The following PTPN3 variants were observed in gnomAD, a reference collection of about 807,000 sequenced individuals.
PTPN3 encodes tyrosine-protein phosphatase non-receptor type 3.
In PTPN3, 96 loss-of-function variants were observed where a neutral mutation model predicts 132.7. The ratio of observed to expected loss-of-function variants is 0.72; its 90% CI spans 0.61 to 0.86. The LOEUF is 0.86. Ranked by LOEUF, PTPN3 falls within the 40% of genes least tolerant of loss-of-function variation. The pLI is 0.00. For missense variants in PTPN3, 1,125 were observed against 1,159.6 expected (o/e 0.97, Z 0.43); for synonymous variants, 398 against 429.0 (o/e 0.93, Z 0.89).
intron 5 of PTPN3, among the ~76,000 whole-genome samples, chr9:109,453,750 C>T (rs1446564495): frequency 6.6e-6 from 1 of 151,984 alleles, no homozygotes; most frequent in African/African-American, 2.4e-5. Flanking sequence ...TGACTCATGC[C>T]TATAATCCCA....
At chr9:109,470,777 T>C (rs1273352897) in intron 1 of PTPN3, among the ~76,000 whole-genome samples, 1 of 152,030 alleles carries the variant, frequency 6.6e-6, no homozygotes, top group Non-Finnish European at 1.5e-5. Context: ...AAACTAAGAA[T>C]GTCTGCTCAC....
intron 1 of PTPN3, among the ~76,000 whole-genome samples, chr9:109,496,229 G>C (rs913858617): frequency 6.6e-6 from 1 of 152,168 alleles, no homozygotes; most frequent in Non-Finnish European, 1.5e-5. Flanking sequence ...GGATTTATGG[G>C]AGCTCGCTAT....
At position 109,389,379 on chromosome 9, in the gene PTPN3, T is replaced by A; in HGVS notation, c.2107A>T (p.Met703Leu). The A allele has an allele frequency of 6.2e-7, 1 of 1,613,106 alleles. No homozygotes were observed. Among genetic ancestry groups the A allele is most frequent in the Non-Finnish European group, 8.5e-7 (1 of 1,179,530 alleles). Reference protein sequence around the residue: ...EDYINASYVNMEIPAANLVNK... With the variant: ...EDYINASYVNLEIPAANLVNK... ...ACAAGGTTAGCAGCAGGAATTTCCA[T>A]CTGGTAAGAAATTGGTAAAGTATTA... The change falls in exon 22 of 26, where the codon ATG becomes TTG. Residue 703 changes from methionine to leucine, a missense_variant and splice_region_variant. Coordinates refer to ENST00000374541, the MANE Select transcript of PTPN3 (RefSeq NM_002829.4).
intron 25 of PTPN3, among the ~76,000 whole-genome samples, chr9:109,380,214 AATCTATCTATCTATCTATCT>A (rs55963327): frequency 8.9e-5 from 13 of 145,790 alleles, no homozygotes; most frequent in Admixed American, 2.7e-4. Flanking sequence ...CAGCTAGGAA[AATCTATCTATCTATCTATCT>A]ATCTATCTAT....
At chr9:109,405,783 A>C (rs1841511587) in intron 18 of PTPN3, among the ~76,000 whole-genome samples, 1 of 152,176 alleles carries the variant, frequency 6.6e-6, no homozygotes, top group Non-Finnish European at 1.5e-5. Flanking sequence ...ATGAGGTTTT[A>C]CCATGTTGGT....
At chr9:109,463,513 C>T in intron 1 of PTPN3, 62 bp from the exon 2 acceptor site, 2 of 1,473,098 alleles carry the variant, frequency 1.4e-6, no homozygotes, top group Non-Finnish European at 1.8e-6. Flanking sequence ...CTTGTGAGTG[C>T]AGATACCTGT....
At chr9:109,505,987 G>A in the PTPN3 span, among the ~76,000 whole-genome samples, 1 of 151,758 alleles carries the variant, frequency 6.6e-6, no homozygotes, top group Non-Finnish European at 1.5e-5. Flanking sequence ...TCCTGACCTC[G>A]TGATCCGCCT....
chr9:109,513,060 G>T, the PTPN3 span, among the ~76,000 whole-genome samples: 2 of 152,208 alleles, frequency 1.3e-5, no homozygotes, highest in African/African-American at 4.8e-5. Context: ...CCAGACTGGG[G>T]TGCAGTGGCA....
At chr9:109,403,177 GTTCAA>G (rs1405570781) in intron 19 of PTPN3, among the ~76,000 whole-genome samples, 1 of 152,154 alleles carries the variant, frequency 6.6e-6, no homozygotes, top group Non-Finnish European at 1.5e-5. Context: ...TTCTACTGCT[GTTCAA>G]TGCACATTGC....
rs1839300759 is a variant in PTPN3 at position 109,383,505 on chromosome 9, T to C, written c.2300A>G (p.His767Arg). Residue 767 changes from histidine to arginine, a missense_variant, in exon 23 of 26, where the codon CAC becomes CGC. Physicochemically the swap from His to Arg is conservative, Grantham distance 29 (BLOSUM62 0). Coordinates refer to ENST00000374541, the MANE Select transcript of PTPN3 (RefSeq NM_002829.4). ...CTGACACTGGATGTGAAAGCCGCCG[T>C]GGTTCATGACGTCGGGGGGATCTGG... ...YWPDPPDVMNHGGFHIQCQSE... is the reference protein window; with the variant it reads ...YWPDPPDVMNRGGFHIQCQSE... 2 of 1,613,690 alleles carry C rather than the reference T, an allele frequency of 1.2e-6. No individual in the cohort carries two copies. The highest frequency in any genetic ancestry group is 1.7e-6 in the Non-Finnish European group (2 of 1,179,924).
the PTPN3 span, among the ~76,000 whole-genome samples, chr9:109,530,534 A>G: frequency 6.6e-6 from 1 of 152,170 alleles, no homozygotes. Flanking sequence ...AACATGTTGT[A>G]TCCATATATC....
rs1838514645 is a variant in PTPN3 at position 109,375,863 on chromosome 9, C to A, written c.*3693G>T. On this transcript the variant is annotated 3_prime_UTR_variant, in exon 26 of 26. Transcript: ENST00000374541. ...ACACAAATCCTTTGGTTGCTCCAAA[C>A]AGAATGAGAGCTATGAGAATGGTGG... The A allele has an allele frequency of 6.6e-6, 1 of 152,198 alleles. No homozygotes were observed. The highest frequency in any genetic ancestry group is 2.4e-5 in the African/African-American group (1 of 41,446). 9.4% of individuals were successfully genotyped at this position (152,198 alleles called of 1,614,324 possible).
At chr9:109,455,776 T>G (rs915959172) in intron 4 of PTPN3, among the ~76,000 whole-genome samples, 1 of 152,206 alleles carries the variant, frequency 6.6e-6, no homozygotes, top group Non-Finnish European at 1.5e-5. Flanking sequence ...TGTCGAACCC[T>G]CTGGGCTGTC....
At chr9:109,388,163 C>A (rs548972636) in intron 22 of PTPN3, among the ~76,000 whole-genome samples, 1 of 152,312 alleles carries the variant, frequency 6.6e-6, no homozygotes, top group African/African-American at 2.4e-5. Flanking sequence ...CGCAAAGCTG[C>A]TGCCTGGAGT....
rs369164287 is a variant in PTPN3 at position 109,410,182 on chromosome 9, G to A, written c.1500+47C>T. ...GCTACTCAGCTGCCCACAAGAGGCC[G>A]GGAAGCCCTGGGTGTGTGGATCACC... is the stretch of plus-strand genomic sequence containing the variant. On this transcript the variant is annotated intron_variant, in intron 15 of 25. Transcript: ENST00000374541. 94 of 1,610,678 alleles carry A rather than the reference G, an allele frequency of 5.8e-5. No homozygotes were observed. In the East Asian group the frequency reaches 1.3e-3, roughly 22 times the overall value.
the PTPN3 span, among the ~76,000 whole-genome samples, chr9:109,525,385 G>T: frequency 6.6e-6 from 1 of 152,138 alleles, no homozygotes; most frequent in Admixed American, 6.6e-5. Context: ...ATTTTAAAAA[G>T]CTAACTCCAC....
At chr9:109,387,884 G>A (rs536276395) in intron 22 of PTPN3, among the ~76,000 whole-genome samples, 2 of 152,292 alleles carry the variant, frequency 1.3e-5, no homozygotes, top group East Asian at 3.9e-4. Context: ...GAGCCTCAAG[G>A]GAGAGCACAA....
chr9:109,382,232 T>C (rs1010420357), intron 24 of PTPN3, 70 bp downstream of exon 24: 5 of 1,541,306 alleles, frequency 3.2e-6, no homozygotes, highest in Non-Finnish European at 4.4e-6. Flanking sequence ...GTCTGGCGCC[T>C]GCCAATTGTC....
At chr9:109,384,875 A>C (rs1839439758) in intron 22 of PTPN3, among the ~76,000 whole-genome samples, 1 of 152,238 alleles carries the variant, frequency 6.6e-6, no homozygotes, top group Admixed American at 6.5e-5. Flanking sequence ...TTTACTTGGA[A>C]ACCTTAAACA....
Sources: allele counts gnomAD v4.1 joint callset (sites outside exome capture counted in the v4.1 genomes callset), GRCh38; gene constraint gnomAD v4.1.1; transcripts MANE v1.5; gene names NCBI Gene and HGNC (gene_info 2026-07-23, HGNC 2026-07-21).